OOSP1: variants seen among roughly 807,000 people sequenced by gnomAD.
OOSP1 encodes putative oocyte-secreted protein 1 homolog.
A neutral mutation model predicts 5.7 loss-of-function variants in OOSP1; 11 were observed. The ratio of observed to expected loss-of-function variants is 1.94; its 90% CI spans 1.22 to 3.20. The LOEUF (loss-of-function observed/expected upper bound fraction) is 3.20, where lower values mean the gene tolerates loss of function less well. Ranked by LOEUF, OOSP1 falls within the 30% of genes most tolerant of loss-of-function variation. The pLI is 0.00. For synonymous variants in OOSP1, 44 were observed against 20.0 expected (o/e 2.20, Z -3.20); for missense variants, 83 against 54.1 (o/e 1.53, Z -1.67).
chr11:59,950,281 G>A (rs1017955429), intron 4 of OOSP1, among the ~76,000 whole-genome samples: 1 of 152,144 alleles, frequency 6.6e-6, no homozygotes. Flanking sequence ...ATCTCCAAGA[G>A]GAGAGAGCAA....
Position 59,947,848 on chromosome 11 carries a change from T to A in OOSP1, c.472T>A (p.Cys158Ser), listed in dbSNP as rs186215420. ...GAATGAAGACATGGGCAGTAACTTC[T>A]GCAACACAATCTTGGTAAGAACCCT... Residue 158 changes from cysteine (C) to serine (S), a missense_variant, in exon 4 of 5, where the codon TGC (cysteine) becomes AGC (serine). Coordinates refer to ENST00000646685, the Ensembl canonical transcript of OOSP1. The A allele has an allele frequency of 2.0e-3, 795 of 398,860 alleles. 8 individuals carry two copies. The highest frequency in any genetic ancestry group is 2.7e-4 in the Non-Finnish European group (60 of 225,904). 24.7% of individuals were successfully genotyped at this position (398,860 alleles called of 1,614,324 possible).
chr11:59,944,362 G>A, intron 2 of OOSP1, among the ~76,000 whole-genome samples: 1 of 142,528 alleles, frequency 7.0e-6, no homozygotes, highest in South Asian at 2.5e-4. Flanking sequence ...AAACTGCGGG[G>A]GGGGGGCAGG....
chr11:59,944,864 A>G (rs1853865741), intron 2 of OOSP1, among the ~76,000 whole-genome samples: 1 of 152,226 alleles, frequency 6.6e-6, no homozygotes, highest in Non-Finnish European at 1.5e-5. Flanking sequence ...GCAATGTATC[A>G]CTACAACTGT....
At chr11:59,954,864 G>A (rs1245132386) in intron 4 of OOSP1, among the ~76,000 whole-genome samples, 1 of 151,920 alleles carries the variant, frequency 6.6e-6, no homozygotes, top group African/African-American at 2.4e-5. Context: ...CAATTTAGGT[G>A]TAGGCCTTTT....
chr11:59,953,784 T>C (rs755450663), intron 4 of OOSP1, among the ~76,000 whole-genome samples: 1 of 152,184 alleles, frequency 6.6e-6, no homozygotes. Context: ...GAAATCGACA[T>C]GTAATATAGA....
chr11:59,952,341 A>G (rs1853948403), intron 4 of OOSP1, among the ~76,000 whole-genome samples: 1 of 152,170 alleles, frequency 6.6e-6, no homozygotes, highest in Non-Finnish European at 1.5e-5. Context: ...ATGTATGCTT[A>G]TAGCCACACA....
exon 2 of OOSP1, chr11:59,942,955 A>G (rs1009949868): frequency 1.4e-6 from 1 of 703,018 alleles, no homozygotes; most frequent in Admixed American, 2.0e-5. Flanking sequence ...GATGGCTGCC[A>G]TGTAACCCAT....
chr11:59,939,601 T>TC (rs1853803959), intron 1 of OOSP1, among the ~76,000 whole-genome samples: 1 of 151,058 alleles, frequency 6.6e-6, no homozygotes, highest in Non-Finnish European at 1.5e-5. Context: ...TTCTTTTTTT[T>TC]CTTCCCTTTC....
chr11:59,939,921 T>A (rs574391236), intron 1 of OOSP1, among the ~76,000 whole-genome samples: 23 of 152,156 alleles, frequency 1.5e-4, no homozygotes, highest in African/African-American at 4.3e-4. Context: ...TAAAAAAAAA[T>A]TTTTTGTAGA....
At chr11:59,938,766 T>C (rs528057630) in intron 1 of OOSP1, among the ~76,000 whole-genome samples, 64 of 152,288 alleles carry the variant, frequency 4.2e-4, no homozygotes, top group African/African-American at 1.4e-3. Flanking sequence ...CCCCTTTCCT[T>C]TTGATCTTAT....
intron 2 of OOSP1, among the ~76,000 whole-genome samples, chr11:59,944,214 T>A (rs762964213): frequency 1.3e-5 from 2 of 151,272 alleles, no homozygotes; most frequent in Non-Finnish European, 2.9e-5. Context: ...CTGGAGGGGG[T>A]GAGAGCTGAA....
At position 59,947,907 on chromosome 11, in the gene OOSP1, A is replaced by T. The variant is rs76182289; in HGVS notation, c.486+45A>T. The T allele has an allele frequency of 5.1e-3, 2,022 of 398,330 alleles. 35 individuals are homozygous for T. The highest frequency in any genetic ancestry group is 0.035 in the African/African-American group (1,728 of 48,708). The allele number at this position is 398,330 out of a possible 1,614,324, so 24.7% of individuals were successfully genotyped here. A position where few individuals can be genotyped will look rare whatever the true frequency, so the allele number is the denominator to read the frequency against. ...GGCATCTTATGATTTTTGTCCAGGT[A>T]TGTCCTAGATACCAGTCAATACAAT... On this transcript the variant is annotated intron_variant, in intron 4 of 4. Transcript: ENST00000646685.
chr11:59,942,025 T>G (rs1853832889), intron 1 of OOSP1, among the ~76,000 whole-genome samples: 1 of 152,230 alleles, frequency 6.6e-6, no homozygotes, highest in South Asian at 2.1e-4. Flanking sequence ...GTGAAAGGAT[T>G]GCAGATTTAT....
chr11:59,946,215 G>A (rs1230013080), intron 3 of OOSP1, among the ~76,000 whole-genome samples: 6 of 152,176 alleles, frequency 3.9e-5, no homozygotes, highest in Admixed American at 1.3e-4. Flanking sequence ...TGTGAACTTC[G>A]CATGTGAGGG....
intron 4 of OOSP1, among the ~76,000 whole-genome samples, chr11:59,953,534 T>A (rs1461305538): frequency 1.3e-5 from 2 of 152,140 alleles, no homozygotes; most frequent in Non-Finnish European, 2.9e-5. Context: ...AGTTGATGAT[T>A]GGTATGTGCT....
At chr11:59,945,794 A>C (rs995951364) in intron 3 of OOSP1, among the ~76,000 whole-genome samples, 2 of 150,172 alleles carry the variant, frequency 1.3e-5, no homozygotes, top group African/African-American at 4.9e-5. Flanking sequence ...AGACTGGGTA[A>C]TTTATAAGAA....
intron 4 of OOSP1, among the ~76,000 whole-genome samples, chr11:59,955,779 C>T (rs1853989143): frequency 1.3e-5 from 2 of 152,018 alleles, no homozygotes; most frequent in Non-Finnish European, 2.9e-5. Flanking sequence ...ACTACATGCT[C>T]ACACTATCAC....
intron 4 of OOSP1, among the ~76,000 whole-genome samples, chr11:59,955,072 C>T (rs376721154): frequency 2.0e-5 from 3 of 151,776 alleles, no homozygotes; most frequent in African/African-American, 7.2e-5. Flanking sequence ...CTATTTTTTC[C>T]TAATACTTTA....
chr11:59,952,174 CA>C (rs1210546055), intron 4 of OOSP1, among the ~76,000 whole-genome samples: 1 of 152,044 alleles, frequency 6.6e-6, no homozygotes, highest in Admixed American at 6.6e-5. Context: ...AGTTATTTAT[CA>C]GAGGCAAAAA....
Sources: allele counts gnomAD v4.1 joint callset (sites outside exome capture counted in the v4.1 genomes callset), GRCh38; gene constraint gnomAD v4.1.1; transcripts MANE v1.5; gene names NCBI Gene and HGNC (gene_info 2026-07-23, HGNC 2026-07-21).